BTF3L4: variants seen among roughly 807,000 people sequenced by gnomAD.
BTF3L4 encodes the protein basic transcription factor 3 like 4.
A neutral mutation model predicts 16.8 loss-of-function variants in BTF3L4; 6 were observed. The observed-to-expected ratio is 0.36, with a 90% CI of 0.20 to 0.71. BTF3L4 has a LOEUF of 0.71. BTF3L4 is among the 30% of genes least tolerant of loss of function. The pLI, the probability that BTF3L4 is intolerant of heterozygous loss-of-function variation, is 0.58. For synonymous variants in BTF3L4, 39 were observed against 59.8 expected, an observed-to-expected ratio of 0.65 and a Z score of 1.60; for missense variants, 92 against 186.9, an observed-to-expected ratio of 0.49 and a Z score of 2.96.
chr1:52,067,100 G>T (rs184622703), intron 3 of BTF3L4, among the ~76,000 whole-genome samples: 1 of 152,038 alleles, frequency 6.6e-6, no homozygotes, highest in African/African-American at 2.4e-5. Context: ...GCCAGGCATG[G>T]TAGTGCGTGC....
chr1:52,086,618 T>G (rs1177472787), intron 5 of BTF3L4, 94 bp from the exon 6 acceptor site: 1 of 726,532 alleles, frequency 1.4e-6, no homozygotes, highest in South Asian at 2.1e-5. Flanking sequence ...TTGTACTAAT[T>G]TTATTTTTTC....
At chr1:52,075,399 A>T (rs1686905180) in intron 3 of BTF3L4, among the ~76,000 whole-genome samples, 1 of 151,146 alleles carries the variant, frequency 6.6e-6, no homozygotes, top group South Asian at 2.1e-4. Context: ...ACGCTCCTGT[A>T]GCCCCAGCTA....
In BTF3L4 at chr1:52,088,346, A is replaced by G. The variant is rs968151950; in HGVS notation, c.*1588A>G. 2.0e-5 allele frequency: 3 copies of G among 152,580 alleles called. No individual in the cohort carries two copies. The South Asian group carries it at 6.2e-4, about 32-fold the overall frequency. The allele number at this position is 152,580 out of a possible 1,614,324, so 9.5% of individuals were successfully genotyped here. On this transcript the variant is annotated 3_prime_UTR_variant, in exon 6 of 6. Coordinates refer to ENST00000313334, the MANE Select transcript of BTF3L4 (RefSeq NM_152265.5). ...TCGTTCATTTTTCCTGTTATGTTTT[A>G]TATAATATATGGACTAAACAAAATA...
intron 3 of BTF3L4, 123 bp downstream of exon 3, chr1:52,065,061 G>A: frequency 2.1e-6 from 1 of 467,318 alleles, no homozygotes. Context: ...TGTCTTTGAA[G>A]GACTGTGGCA....
chr1:52,057,364 C>G (rs1686395873), intron 1 of BTF3L4, among the ~76,000 whole-genome samples: 1 of 152,162 alleles, frequency 6.6e-6, no homozygotes, highest in South Asian at 2.1e-4. Context: ...GAGAACAGTG[C>G]TAAAAGATCC....
chr1:52,081,320 G>A (rs2124443509), intron 3 of BTF3L4, among the ~76,000 whole-genome samples: 1 of 152,000 alleles, frequency 6.6e-6, no homozygotes, highest in Middle Eastern at 3.4e-3. Context: ...TTTTAGTAGA[G>A]ATGGGGTTTC....
At chr1:52,086,631 G>A (rs1236033179) in intron 5 of BTF3L4, 81 bp from the exon 6 acceptor site, 1 of 797,872 alleles carries the variant, frequency 1.3e-6, no homozygotes, top group Middle Eastern at 2.4e-4. Flanking sequence ...ATTTTTTCGG[G>A]GGTTAGAAGT....
intron 3 of BTF3L4, among the ~76,000 whole-genome samples, chr1:52,076,754 C>G (rs971162103): frequency 3.9e-5 from 6 of 152,194 alleles, no homozygotes; most frequent in Non-Finnish European, 7.3e-5. Flanking sequence ...GTGAAGGATA[C>G]TGACTGATTT....
chr1:52,084,010 A>C (rs1226063032), intron 4 of BTF3L4, among the ~76,000 whole-genome samples: 2 of 151,108 alleles, frequency 1.3e-5, no homozygotes, highest in African/African-American at 4.9e-5. Flanking sequence ...ACAAGAGGGA[A>C]ACTCCGTCTC....
intron 3 of BTF3L4, among the ~76,000 whole-genome samples, chr1:52,067,658 T>C (rs1393242368): frequency 6.6e-6 from 1 of 152,200 alleles, no homozygotes; most frequent in African/African-American, 2.4e-5. Flanking sequence ...TTGGTAAAAA[T>C]GAATAAGTTG....
rs2124451556 is a variant in BTF3L4, at chr1:52,087,476, C to T, written c.*718C>T. ...CCTTTTGGTCTCCAAATGGCCTGGT[C>T]AGCTTTTGGTAATATTCTTCCTCAT... On this transcript the variant is annotated 3_prime_UTR_variant, in exon 6 of 6. Transcript: ENST00000313334. 1 of 152,212 alleles carries T rather than the reference C, an allele frequency of 6.6e-6. No homozygotes were observed. The highest frequency in any genetic ancestry group is 2.4e-5 in the African/African-American group (1 of 41,514). The allele number at this position is 152,212 out of a possible 1,614,324, so 9.4% of individuals were successfully genotyped here. A position where few individuals can be genotyped will look rare whatever the true frequency, so the allele number is the denominator to read the frequency against.
At chr1:52,077,508 AGATTGC>A (rs1686964112) in intron 3 of BTF3L4, among the ~76,000 whole-genome samples, 1 of 152,218 alleles carries the variant, frequency 6.6e-6, no homozygotes, top group African/African-American at 2.4e-5. Context: ...AAGTGAGCCG[AGATTGC>A]GCCATTGCAC....
chr1:52,073,114 C>T (rs999849443), intron 3 of BTF3L4, among the ~76,000 whole-genome samples: 1 of 151,738 alleles, frequency 6.6e-6, no homozygotes, highest in African/African-American at 2.4e-5. Context: ...CCCAGCTACT[C>T]AGGAGGCTGA....
chr1:52,058,376 A>G (rs1417581356), intron 1 of BTF3L4, among the ~76,000 whole-genome samples: 1 of 152,194 alleles, frequency 6.6e-6, no homozygotes, highest in Non-Finnish European at 1.5e-5. Flanking sequence ...TTGCCTAAGG[A>G]TAGTGTCAAA....
chr1:52,069,964 C>T (rs1007477781), intron 3 of BTF3L4, among the ~76,000 whole-genome samples: 6 of 152,076 alleles, frequency 3.9e-5, no homozygotes, highest in African/African-American at 7.2e-5. Context: ...CTCCTGTAAT[C>T]GTAGCACTTT....
In BTF3L4 at chr1:52,089,366, T is replaced by A. The variant is rs1325741629; in HGVS notation, c.*2608T>A. ...TGTTCTATATTTTTGTATCTTCCCC[T>A]TTCCTGAACAAAGCATATTTAGAGT... On this transcript the variant is annotated 3_prime_UTR_variant, in exon 6 of 6. Coordinates refer to ENST00000313334, the MANE Select transcript of BTF3L4 (RefSeq NM_152265.5). 1.3e-5 allele frequency: 2 copies of A among 152,132 alleles called. No individual in the cohort carries two copies. The highest frequency in any genetic ancestry group is 2.9e-5 in the Non-Finnish European group (2 of 68,012). 9.4% of individuals were successfully genotyped at this position (152,132 alleles called of 1,614,324 possible).
At chr1:52,060,650 A>G (rs1686485311) in intron 2 of BTF3L4, 1 of 1,059,472 alleles carries the variant, frequency 9.4e-7, no homozygotes, top group South Asian at 2.8e-5. Flanking sequence ...CTTACCTCAG[A>G]CCTGAAGTGG....
intron 3 of BTF3L4, among the ~76,000 whole-genome samples, chr1:52,068,462 C>T (rs935124996): frequency 2.6e-5 from 4 of 152,110 alleles, no homozygotes; most frequent in African/African-American, 9.7e-5. Flanking sequence ...CACAATATCC[C>T]TTTGAGTTGG....
rs113944999 is a variant in BTF3L4, at chr1:52,056,677, C to G, written c.-14+298C>G. On this transcript the variant is annotated intron_variant, in intron 1 of 5. Coordinates refer to ENST00000313334, the MANE Select transcript of BTF3L4 (RefSeq NM_152265.5). ...GACGCCCCTCCTCTGTTCCATTACT[C>G]CTTGCTCACAACAGCAGTGTTGTGT... 2.1e-3 allele frequency among the ~76,000 whole-genome samples: 323 copies of G among 152,374 alleles called. 5 individuals are homozygous for G. The highest frequency in any genetic ancestry group is 7.5e-3 in the African/African-American group (313 of 41,590).
Sources: allele counts gnomAD v4.1 joint callset (sites outside exome capture counted in the v4.1 genomes callset), GRCh38; gene constraint gnomAD v4.1.1; transcripts MANE v1.5; gene names NCBI Gene and HGNC (gene_info 2026-07-23, HGNC 2026-07-21).